The following WNT6 variants were observed in gnomAD, a reference collection of about 807,000 sequenced individuals.
The protein encoded by WNT6 is Wnt family member 6, also known as protein Wnt-6.
In WNT6, 27 loss-of-function variants were observed where a neutral mutation model predicts 33.1. The ratio of observed to expected loss-of-function variants is 0.82; its 90% CI spans 0.60 to 1.12. WNT6 has a LOEUF of 1.12. Ranked by LOEUF, WNT6 falls within the 50% of genes most tolerant of loss-of-function variation. WNT6 has a pLI of 0.00. For missense variants in WNT6, 494 were observed against 535.3 expected (o/e 0.92, Z 0.76); for synonymous variants, 249 against 242.8 (o/e 1.03, Z -0.24).
chr2:218,866,631 A>C (rs1944356801), intron 1 of WNT6, among the ~76,000 whole-genome samples: 1 of 152,152 alleles, frequency 6.6e-6, no homozygotes, highest in Non-Finnish European at 1.5e-5. Context: ...GGTGGGTATT[A>C]CTAGTTTCAT....
intron 1 of WNT6, among the ~76,000 whole-genome samples, chr2:218,862,047 G>A (rs890428265): frequency 6.6e-6 from 1 of 152,174 alleles, no homozygotes; most frequent in Non-Finnish European, 1.5e-5. Flanking sequence ...CTTTGTTCAG[G>A]AAGGACTGCT....
Position 218,873,598 on chromosome 2 carries a change from TC to T in WNT6, c.853del (p.Leu285SerfsTer65). 6.4e-7 allele frequency: 1 copy of T among 1,555,828 alleles called. No homozygotes were observed. The highest frequency in any genetic ancestry group is 1.8e-5 in the Admixed American group (1 of 56,258). ...CTCAAGCCGCCGGGCCGAGCGGACCTCCTCTACGCCGCCGATTCGCCCGACT... is the reference window on the plus strand; with the variant it reads ...CTCAAGCCGCCGGGCCGAGCGGACCTCTCTACGCCGCCGATTCGCCCGACT... The part of the protein sequence containing the change: ...RTLKPPGRAD[L>X]LYAADSPDFC... On this transcript the variant is annotated frameshift_variant, in exon 4 of 4. Transcript: ENST00000233948. LOFTEE classifies it high-confidence loss of function. This position sits in a 1 kb window ranked among gnomAD's most constrained non-coding sequence, Gnocchi z 6.1.
In WNT6 at chr2:218,873,944, G is replaced by C. The variant is rs374454330; in HGVS notation, c.*99G>C. On this transcript the variant is annotated 3_prime_UTR_variant, in exon 4 of 4. Coordinates refer to ENST00000233948, the MANE Select transcript of WNT6 (RefSeq NM_006522.4). This position sits in a 1 kb window ranked among gnomAD's most constrained non-coding sequence, Gnocchi z 6.1. ...GGGCGCCTCTCGCCGCTCGAGCCCA[G>C]CCTCTCCCTGCCAAAGCCCAACTCC... The C allele has an allele frequency of 1.1e-5, 14 of 1,218,972 alleles. 1 individual carries two copies. In the South Asian group the frequency reaches 1.4e-4, roughly 12 times the overall value. The allele number at this position is 1,218,972 out of a possible 1,614,324, so 75.5% of individuals were successfully genotyped here. A position where few individuals can be genotyped will look rare whatever the true frequency, so the allele number is the denominator to read the frequency against.
rs148151666 is a variant in WNT6 at position 218,861,076 on chromosome 2, G to T, written c.80+959G>T. On this transcript the variant is annotated intron_variant, in intron 1 of 3. Coordinates refer to ENST00000233948, the MANE Select transcript of WNT6 (RefSeq NM_006522.4). ...TAGCCAATCCTAAGAAGGCAGGGTC[G>T]TGTCTATTTGCATATTGCCATGTGA... Among the ~76,000 whole-genome samples the T allele has an allele frequency of 3.8e-4, 58 of 152,336 alleles. No homozygotes were observed. In the East Asian group the frequency reaches 0.011, roughly 28 times the overall value.
Position 218,873,351 on chromosome 2 carries a change from G to A in WNT6, c.637-33G>A. ...GGGCCCTTCCCTGCACCCCCTACCT[G>A]TCCACATGCGTCCGCCCCTCTGCCT... On this transcript the variant is annotated intron_variant, in intron 3 of 3. Coordinates refer to ENST00000233948, the MANE Select transcript of WNT6 (RefSeq NM_006522.4). This position sits in a 1 kb window ranked among gnomAD's most constrained non-coding sequence, Gnocchi z 6.1. 1 of 1,525,952 alleles carries A rather than the reference G, an allele frequency of 6.6e-7. No homozygotes were observed. The highest frequency in any genetic ancestry group is 8.8e-7 in the Non-Finnish European group (1 of 1,141,462). The allele number at this position is 1,525,952 out of a possible 1,614,324, so 94.5% of individuals were successfully genotyped here. A position where few individuals can be genotyped will look rare whatever the true frequency, so the allele number is the denominator to read the frequency against.
chr2:218,874,031 G>C lies in WNT6; in HGVS notation c.*186G>C. The C allele has an allele frequency of 1.5e-6, 1 of 674,780 alleles. No homozygotes were observed. Among genetic ancestry groups the C allele is most frequent in the Non-Finnish European group, 2.3e-6 (1 of 437,476 alleles). 41.8% of individuals were successfully genotyped at this position (674,780 alleles called of 1,614,324 possible). On this transcript the variant is annotated 3_prime_UTR_variant, in exon 4 of 4. Coordinates refer to ENST00000233948, the MANE Select transcript of WNT6 (RefSeq NM_006522.4). ...GGAACGCCCACCCACGAAGGCCCAG[G>C]GCGCCAGACGGCCCCGAAAAGGCGC... is the stretch of plus-strand genomic sequence containing the variant.
At chr2:218,862,580 A>G (rs1314859277) in intron 1 of WNT6, among the ~76,000 whole-genome samples, 1 of 152,076 alleles carries the variant, frequency 6.6e-6, no homozygotes, top group African/African-American at 2.4e-5. Flanking sequence ...ACAAGGTTTC[A>G]CCGTGTTGGT....
At chr2:218,864,647 C>G (rs1201767457) in intron 1 of WNT6, among the ~76,000 whole-genome samples, 1 of 152,218 alleles carries the variant, frequency 6.6e-6, no homozygotes, top group African/African-American at 2.4e-5. Flanking sequence ...ACTCCCTTCC[C>G]CCATCCCATC....
chr2:218,860,034 C>A lies in WNT6; in HGVS notation c.-4C>A. 6.7e-7 allele frequency: 1 copy of A among 1,490,020 alleles called. No homozygotes were observed. Among genetic ancestry groups the A allele is most frequent in the South Asian group, 1.3e-5 (1 of 79,310 alleles). The allele number at this position is 1,490,020 out of a possible 1,614,324, so 92.3% of individuals were successfully genotyped here. On this transcript the variant is annotated 5_prime_UTR_variant, in exon 1 of 4. Coordinates refer to ENST00000233948, the MANE Select transcript of WNT6 (RefSeq NM_006522.4). ...CCCACCCGGGCGGCCGTAGGGCGGT[C>A]ACGATGCTGCCGCCCTTACCCTCCC...
chr2:218,869,923 A>G (rs1485449349), intron 1 of WNT6, among the ~76,000 whole-genome samples: 1 of 152,152 alleles, frequency 6.6e-6, no homozygotes, highest in Non-Finnish European at 1.5e-5. Flanking sequence ...TGCTCAGAGA[A>G]GGCAACAGAT....
chr2:218,862,299 A>G (rs1944316066), intron 1 of WNT6, among the ~76,000 whole-genome samples: 1 of 148,770 alleles, frequency 6.7e-6, no homozygotes, highest in Non-Finnish European at 1.5e-5. Context: ...TGGCCCCTTC[A>G]CTCTCCTTTG....
intron 1 of WNT6, among the ~76,000 whole-genome samples, chr2:218,869,745 A>C (rs902393564): frequency 2.0e-5 from 3 of 152,190 alleles, no homozygotes; most frequent in Admixed American, 1.3e-4. Flanking sequence ...GGTCTGGTAT[A>C]CCAAAACCAA....
chr2:218,867,408 C>T lies in WNT6; in HGVS notation c.81-3619C>T, dbSNP rs919737395. Among the ~76,000 whole-genome samples the T allele has an allele frequency of 2.0e-5, 3 of 152,150 alleles. No homozygotes were observed. The highest frequency in any genetic ancestry group is 7.2e-5 in the African/African-American group (3 of 41,422). On this transcript the variant is annotated intron_variant, in intron 1 of 3. Coordinates refer to ENST00000233948, the MANE Select transcript of WNT6 (RefSeq NM_006522.4). The surrounding 1 kb of genome is among the most constrained non-coding windows in gnomAD (Gnocchi z 4.9). ...GGCCAGAAACCTAGGACATCCAGGGCTTAGGTCTACACATATTGCCAATAG... is the reference window on the plus strand; with the variant it reads ...GGCCAGAAACCTAGGACATCCAGGGTTTAGGTCTACACATATTGCCAATAG...
intron 1 of WNT6, among the ~76,000 whole-genome samples, chr2:218,868,659 C>T (rs1033904839): frequency 1.3e-5 from 2 of 152,086 alleles, no homozygotes; most frequent in African/African-American, 4.8e-5. Context: ...TGGACAGGGG[C>T]CTGGGCTCAA....
chr2:218,871,634 A>G lies in WNT6; in HGVS notation c.451A>G (p.Thr151Ala). Residue 151 changes from threonine (T) to alanine (A), a missense_variant, in exon 3 of 4, where the codon ACC (threonine) becomes GCC (alanine). Transcript: ENST00000233948. This position sits in a 1 kb window ranked among gnomAD's most constrained non-coding sequence, Gnocchi z 6.4. ...TCCCCGGCCCTCCGGCCTGCCCGGC[A>G]CCCCCGGACCCCCTGGCCCCGCGGG... is the stretch of plus-strand genomic sequence containing the variant. ...APPRPSGLPGTPGPPGPAGSP... is the reference protein window; with the variant it reads ...APPRPSGLPGAPGPPGPAGSP... 1 of 1,462,308 alleles carries G rather than the reference A, an allele frequency of 6.8e-7. No individual in the cohort carries two copies. The highest frequency in any genetic ancestry group is 1.4e-5 in the South Asian group (1 of 70,640). 90.6% of individuals were successfully genotyped at this position (1,462,308 alleles called of 1,614,324 possible). A position where few individuals can be genotyped will look rare whatever the true frequency, so the allele number is the denominator to read the frequency against.
intron 1 of WNT6, among the ~76,000 whole-genome samples, chr2:218,865,365 G>A (rs564371398): frequency 2.6e-5 from 4 of 152,332 alleles, no homozygotes; most frequent in African/African-American, 7.2e-5. Context: ...CAGAACTGCC[G>A]GAGGAGGAGC....
In WNT6 at chr2:218,871,625, C is replaced by T. The variant is rs1330069357; in HGVS notation, c.442C>T (p.Leu148=). The T allele has an allele frequency of 1.4e-6, 2 of 1,469,780 alleles. No homozygotes were observed. The highest frequency in any genetic ancestry group is 2.3e-4 in the Middle Eastern group (1 of 4,292). The allele number at this position is 1,469,780 out of a possible 1,614,324, so 91.0% of individuals were successfully genotyped here. Residue 148 remains leucine (L), a synonymous_variant, in exon 3 of 4, where the codon CTG becomes TTG. Coordinates refer to ENST00000233948, the MANE Select transcript of WNT6 (RefSeq NM_006522.4). The surrounding 1 kb of genome is among the most constrained non-coding windows in gnomAD (Gnocchi z 6.4). ...GCGGGCCCCTCCCCGGCCCTCCGGC[C>T]TGCCCGGCACCCCCGGACCCCCTGG... The part of the protein sequence containing the change: ...RGRAPPRPSG[L]PGTPGPPGPA...
chr2:218,871,721 G>C lies in WNT6; in HGVS notation c.538G>C (p.Asp180His). ...CTGCGGCGACGACGTGGACTTCGGG[G>C]ACGAGAAGTCGAGGCTCTTTATGGA... ...GGCGDDVDFG[D>H]EKSRLFMDAR... The change falls in exon 3 of 4, where the codon GAC becomes CAC. Residue 180 changes from aspartate (D) to histidine (H), a missense_variant. By Grantham distance (81) the Asp-to-His change is moderately conservative. Coordinates refer to ENST00000233948, the MANE Select transcript of WNT6 (RefSeq NM_006522.4). The surrounding 1 kb of genome is among the most constrained non-coding windows in gnomAD (Gnocchi z 6.4). The C allele has an allele frequency of 6.3e-7, 1 of 1,594,428 alleles. No individual in the cohort carries two copies. The highest frequency in any genetic ancestry group is 8.5e-7 in the Non-Finnish European group (1 of 1,171,660).
intron 1 of WNT6, among the ~76,000 whole-genome samples, chr2:218,862,120 A>C (rs1003537618): frequency 6.6e-6 from 1 of 152,160 alleles, no homozygotes. Context: ...GAAGCTGGGA[A>C]GAAGGGAGTG....
Sources: gnomAD v4.1 joint callset for allele counts (sites outside exome capture counted in the v4.1 genomes callset) on GRCh38, gnomAD v4.1.1 for gene constraint, Gnocchi (gnomAD v3.1) non-coding constraint, MANE v1.5 for transcripts, NCBI Gene and HGNC (gene_info 2026-07-23, HGNC 2026-07-21) for gene names.